The following KHDRBS2 variants were observed in gnomAD, a reference collection of about 807,000 sequenced individuals.
KHDRBS2 encodes KH domain-containing, RNA-binding, signal transduction-associated protein 2.
In KHDRBS2, 26 loss-of-function variants were observed where a neutral mutation model predicts 44.3. The observed-to-expected ratio is 0.59, with a 90% CI of 0.43 to 0.81. KHDRBS2 has a LOEUF of 0.81. Ranked by LOEUF, KHDRBS2 falls within the 40% of genes least tolerant of loss-of-function variation. KHDRBS2 has a pLI of 0.00. For synonymous variants in KHDRBS2, 194 were observed against 151.1 expected (o/e 1.28, Z -2.08); for missense variants, 476 against 433.1 (o/e 1.10, Z -0.88).
At chr6:61,664,920 C>T in the KHDRBS2 span, among the ~76,000 whole-genome samples, 23 of 151,610 alleles carry the variant, frequency 1.5e-4, no homozygotes, top group Admixed American at 4.0e-4. Context: ...AATATTTTGG[C>T]TGAGCAATTA....
chr6:61,949,967 A>G (rs1764406117), intron 4 of KHDRBS2, among the ~76,000 whole-genome samples: 2 of 152,102 alleles, frequency 1.3e-5, no homozygotes, highest in African/African-American at 4.8e-5. Context: ...AAAGTTTATT[A>G]TCACAATATT....
At chr6:61,918,980 C>T (rs1289566487) in intron 4 of KHDRBS2, among the ~76,000 whole-genome samples, 3 of 151,900 alleles carry the variant, frequency 2.0e-5, no homozygotes, top group Non-Finnish European at 4.4e-5. Context: ...CAGGTTTCTT[C>T]TCTCTACAAC....
intron 6 of KHDRBS2, among the ~76,000 whole-genome samples, chr6:61,797,974 G>A (rs1402881163): frequency 2.0e-5 from 3 of 151,756 alleles, no homozygotes; most frequent in Non-Finnish European, 2.9e-5. Context: ...CCCAGGTAAT[G>A]AGCATAGTAC....
chr6:61,955,302 A>T (rs1312157644), intron 4 of KHDRBS2, among the ~76,000 whole-genome samples: 2 of 146,612 alleles, frequency 1.4e-5, no homozygotes, highest in African/African-American at 5.0e-5. Flanking sequence ...GTATGTATAC[A>T]TATATATGTA....
At chr6:61,834,643 G>A (rs1326584835) in intron 6 of KHDRBS2, among the ~76,000 whole-genome samples, 1 of 151,970 alleles carries the variant, frequency 6.6e-6, no homozygotes, top group East Asian at 1.9e-4. Context: ...ACAAAATAGA[G>A]ACTTGGTTAC....
At chr6:61,861,633 T>C (rs1796986404) in intron 6 of KHDRBS2, among the ~76,000 whole-genome samples, 1 of 150,554 alleles carries the variant, frequency 6.6e-6, no homozygotes, top group Non-Finnish European at 1.5e-5. Context: ...GTAATATAAA[T>C]CCAGGTAGCA....
intron 1 of KHDRBS2, among the ~76,000 whole-genome samples, chr6:62,276,264 A>G (rs1840920981): frequency 6.6e-6 from 1 of 152,208 alleles, no homozygotes; most frequent in Non-Finnish European, 1.5e-5. Context: ...AATACCTCAG[A>G]ACATACAGAT....
intron 6 of KHDRBS2, among the ~76,000 whole-genome samples, chr6:61,823,635 C>A (rs1481294801): frequency 6.6e-6 from 1 of 152,052 alleles, no homozygotes; most frequent in South Asian, 2.1e-4. Flanking sequence ...GAGGTAATTG[C>A]TTCAAAATGG....
chr6:61,656,759 C>T, the KHDRBS2 span, among the ~76,000 whole-genome samples: 1 of 151,868 alleles, frequency 6.6e-6, no homozygotes, highest in Non-Finnish European at 1.5e-5. Flanking sequence ...GCCAGCACAT[C>T]ACTGACTGAT....
chr6:61,548,093 A>G, the KHDRBS2 span, among the ~76,000 whole-genome samples: 241 of 152,292 alleles, frequency 1.6e-3, no homozygotes, highest in African/African-American at 5.5e-3. Context: ...TCTAATAGGA[A>G]CTGAAATGAT....
At chr6:61,713,569 T>C (rs994558595) in intron 7 of KHDRBS2, among the ~76,000 whole-genome samples, 1 of 138,514 alleles carries the variant, frequency 7.2e-6, no homozygotes, top group Non-Finnish European at 1.5e-5. Flanking sequence ...TCAGGTGATC[T>C]GATACCTTTA....
the KHDRBS2 span, among the ~76,000 whole-genome samples, chr6:61,608,560 GTATCCCTCCTAATGT>G: frequency 6.6e-6 from 1 of 151,942 alleles, no homozygotes; most frequent in African/African-American, 2.4e-5. Context: ...TCTACATTAA[GTATCCCTCCTAATGT>G]TATCCCTCCC....
intron 2 of KHDRBS2, among the ~76,000 whole-genome samples, chr6:62,116,804 C>G (rs1806339628): frequency 6.6e-6 from 1 of 152,102 alleles, no homozygotes; most frequent in Non-Finnish European, 1.5e-5. Flanking sequence ...TATCACTCTA[C>G]TCCCTATGTC....
intron 6 of KHDRBS2, among the ~76,000 whole-genome samples, chr6:61,738,927 T>A (rs2127563084): frequency 6.6e-6 from 1 of 152,018 alleles, no homozygotes; most frequent in East Asian, 1.9e-4. Flanking sequence ...GCATTAAACA[T>A]AAGAGAAGAT....
intron 6 of KHDRBS2, among the ~76,000 whole-genome samples, chr6:61,785,035 G>A (rs1462052321): frequency 1.3e-5 from 2 of 151,912 alleles, no homozygotes; most frequent in South Asian, 4.1e-4. Context: ...TGTAGTCCCC[G>A]CTACTCAAGA....
intron 2 of KHDRBS2, among the ~76,000 whole-genome samples, chr6:62,079,044 G>T (rs1350034140): frequency 4.0e-5 from 6 of 151,874 alleles, no homozygotes; most frequent in Non-Finnish European, 7.4e-5. Flanking sequence ...AAGCCCACTA[G>T]AAAAATTCAG....
At chr6:62,093,325 G>C (rs1799834215) in intron 2 of KHDRBS2, among the ~76,000 whole-genome samples, 1 of 151,576 alleles carries the variant, frequency 6.6e-6, no homozygotes. Flanking sequence ...TAATGTTTCA[G>C]GCAATTTTCC....
At chr6:61,574,368 CT>C in the KHDRBS2 span, 1 of 1,526,972 alleles carries the variant, frequency 6.5e-7, no homozygotes, top group Non-Finnish European at 8.8e-7. Flanking sequence ...CTTTCAACCA[CT>C]GCAACTGACC....
downstream of KHDRBS2, among the ~76,000 whole-genome samples, chr6:61,675,188 T>TA (rs1477031942): frequency 6.6e-6 from 1 of 151,770 alleles, no homozygotes; most frequent in Non-Finnish European, 1.5e-5. Flanking sequence ...AGTTACATTT[T>TA]AAAAAAGCAT....
Sources: gnomAD v4.1 joint callset for allele counts (sites outside exome capture counted in the v4.1 genomes callset) on GRCh38, gnomAD v4.1.1 for gene constraint, MANE v1.5 for transcripts, NCBI Gene and HGNC (gene_info 2026-07-23, HGNC 2026-07-21) for gene names.